Variants in ARHGAP42 observed in about 807,000 individuals in gnomAD.
ARHGAP42 encodes the protein Rho GTPase activating protein 42.
A neutral mutation model predicts 125.0 loss-of-function variants in ARHGAP42; 63 were observed. The ratio of observed to expected loss-of-function variants is 0.50; its 90% CI spans 0.41 to 0.62. ARHGAP42 has a LOEUF of 0.62. Ranked by LOEUF, ARHGAP42 falls within the 20% of genes least tolerant of loss-of-function variation. The pLI is 0.00. For synonymous variants in ARHGAP42, 339 were observed against 351.0 expected, an observed-to-expected ratio of 0.97 and a Z score of 0.38; for missense variants, 766 against 1,024.2, an observed-to-expected ratio of 0.75 and a Z score of 3.44.
At chr11:100,881,589 G>T (rs1422104016) in intron 4 of ARHGAP42, among the ~76,000 whole-genome samples, 1 of 152,000 alleles carries the variant, frequency 6.6e-6, no homozygotes, top group Admixed American at 6.6e-5. Context: ...TGAATTTTTG[G>T]ATTGTTTTTT....
At chr11:100,848,504 T>G (rs1417320202) in intron 3 of ARHGAP42, among the ~76,000 whole-genome samples, 1 of 151,836 alleles carries the variant, frequency 6.6e-6, no homozygotes, top group East Asian at 1.9e-4. Flanking sequence ...TTTTCTTTCT[T>G]TCTTTTTTTT....
At chr11:100,812,103 C>G (rs1160726089) in intron 3 of ARHGAP42, among the ~76,000 whole-genome samples, 1 of 152,152 alleles carries the variant, frequency 6.6e-6, no homozygotes, top group Non-Finnish European at 1.5e-5. Flanking sequence ...GCCTGTCCCT[C>G]TCTTCAGTTT....
chr11:100,848,969 C>T (rs1015937324), intron 3 of ARHGAP42, among the ~76,000 whole-genome samples: 1 of 152,102 alleles, frequency 6.6e-6, no homozygotes, highest in Non-Finnish European at 1.5e-5. Context: ...ATGTCTCAAG[C>T]TGTCTGGAAG....
intron 2 of ARHGAP42, among the ~76,000 whole-genome samples, chr11:100,771,968 C>A (rs189522824): frequency 3.5e-4 from 53 of 152,258 alleles, no homozygotes; most frequent in Non-Finnish European, 6.0e-4. Context: ...AAAGTAATGT[C>A]CACACTGCTA....
At chr11:100,756,969 C>T (rs1350322718) in intron 1 of ARHGAP42, among the ~76,000 whole-genome samples, 1 of 152,038 alleles carries the variant, frequency 6.6e-6, no homozygotes, top group African/African-American at 2.4e-5. Context: ...TGAATCACCC[C>T]GTAATAATAA....
chr11:100,863,074 AC>A (rs1565247686), intron 4 of ARHGAP42, among the ~76,000 whole-genome samples: 1 of 149,626 alleles, frequency 6.7e-6, no homozygotes. Flanking sequence ...ACACACACAC[AC>A]ACACACAACA....
At position 100,943,277 on chromosome 11, in the gene ARHGAP42, C is replaced by G. The variant is rs535468005; in HGVS notation, c.934-482C>G. Among the ~76,000 whole-genome samples the G allele has an allele frequency of 4.6e-5, 7 of 152,006 alleles. No homozygotes were observed. In the South Asian group the frequency reaches 8.3e-4, roughly 18 times the overall value. On this transcript the variant is annotated intron_variant, in intron 9 of 23. Transcript: ENST00000298815. ...CTGGAACTATATTATTTCCGTAGCT[C>G]TCTTGTAAACCTGAGCTAGTTATCA...
rs1282075280 is a variant in ARHGAP42, at chr11:100,985,710, C to T, written c.2457-1803C>T. ...GTCATTCCCAAATCTGCCCCGCTAG[C>T]AAGCTTTCTGAAAGTACAGCCTGAG... On this transcript the variant is annotated intron_variant, in intron 22 of 23. Coordinates refer to ENST00000298815, the MANE Select transcript of ARHGAP42 (RefSeq NM_152432.4). 2.6e-5 allele frequency among the ~76,000 whole-genome samples: 4 copies of T among 152,208 alleles called. No individual in the cohort carries two copies. In the South Asian group the frequency reaches 8.3e-4, roughly 32 times the overall value.
intron 4 of ARHGAP42, among the ~76,000 whole-genome samples, chr11:100,884,345 C>T (rs1215511317): frequency 6.6e-6 from 1 of 151,998 alleles, no homozygotes; most frequent in Non-Finnish European, 1.5e-5. Flanking sequence ...GAATAAGCCA[C>T]GTCAGTCTTT....
intron 1 of ARHGAP42, among the ~76,000 whole-genome samples, chr11:100,720,863 C>T (rs901971036): frequency 6.6e-6 from 1 of 151,924 alleles, no homozygotes; most frequent in South Asian, 2.1e-4. Flanking sequence ...AAAAGAACTA[C>T]CATATACTTC....
chr11:100,969,273 C>G (rs1271398340), intron 17 of ARHGAP42, among the ~76,000 whole-genome samples: 1 of 151,942 alleles, frequency 6.6e-6, no homozygotes, highest in East Asian at 1.9e-4. Flanking sequence ...TCTCTTGATG[C>G]TTTCAGAATT....
At position 100,757,931 on chromosome 11, in the gene ARHGAP42, G is replaced by A. The variant is rs555127892; in HGVS notation, c.155-12412G>A. Among the ~76,000 whole-genome samples the A allele has an allele frequency of 1.1e-4, 16 of 152,186 alleles. No individual in the cohort carries two copies. The South Asian group carries it at 3.3e-3, about 32-fold the overall frequency. The stretch of plus-strand genomic sequence containing the variant: ...AGAGAGTGGTTTATGTATTCTTTCA[G>A]TTACCATCCGTTATAAAATATTTCC... On this transcript the variant is annotated intron_variant, in intron 1 of 23. Coordinates refer to ENST00000298815, the MANE Select transcript of ARHGAP42 (RefSeq NM_152432.4).
At chr11:100,826,104 C>T (rs932405150) in intron 3 of ARHGAP42, among the ~76,000 whole-genome samples, 1 of 152,034 alleles carries the variant, frequency 6.6e-6, no homozygotes, top group Admixed American at 6.6e-5. Flanking sequence ...CCTTTCCCCA[C>T]ACCTCCCCTC....
At chr11:100,696,994 T>C (rs1327604711) in intron 1 of ARHGAP42, among the ~76,000 whole-genome samples, 1 of 152,110 alleles carries the variant, frequency 6.6e-6, no homozygotes, top group Non-Finnish European at 1.5e-5. Flanking sequence ...GGGTTGTCAA[T>C]GTCAGGTAAC....
intron 1 of ARHGAP42, among the ~76,000 whole-genome samples, chr11:100,704,498 C>G (rs1391762924): frequency 6.6e-6 from 1 of 152,134 alleles, no homozygotes; most frequent in Non-Finnish European, 1.5e-5. Context: ...GGTGCACAGC[C>G]TTTTCTTCCC....
intron 3 of ARHGAP42, among the ~76,000 whole-genome samples, chr11:100,839,021 T>A (rs183102009): frequency 6.6e-6 from 1 of 152,256 alleles, no homozygotes; most frequent in Admixed American, 6.5e-5. Flanking sequence ...TATTATATAC[T>A]ACTTCTATGT....
At chr11:100,919,730 T>G (rs1230762473) in intron 5 of ARHGAP42, among the ~76,000 whole-genome samples, 2 of 152,072 alleles carry the variant, frequency 1.3e-5, no homozygotes, top group Non-Finnish European at 2.9e-5. Flanking sequence ...TAAATAAAAT[T>G]TTCAAAATAA....
intron 4 of ARHGAP42, among the ~76,000 whole-genome samples, chr11:100,889,584 G>C (rs1866172080): frequency 6.6e-6 from 1 of 152,130 alleles, no homozygotes; most frequent in South Asian, 2.1e-4. Flanking sequence ...AACAGACTAA[G>C]ACAACGAGGT....
chr11:100,714,565 A>G (rs1861621797), intron 1 of ARHGAP42, among the ~76,000 whole-genome samples: 1 of 152,196 alleles, frequency 6.6e-6, no homozygotes, highest in South Asian at 2.1e-4. Flanking sequence ...TGTTGAGCAC[A>G]TGTGACAGCC....
Sources: allele counts gnomAD v4.1 joint callset (sites outside exome capture counted in the v4.1 genomes callset), GRCh38; gene constraint gnomAD v4.1.1; transcripts MANE v1.5; gene names NCBI Gene and HGNC (gene_info 2026-07-23, HGNC 2026-07-21).